The following RCSD1 variants were observed in gnomAD, a reference collection of about 807,000 sequenced individuals.
The protein encoded by RCSD1 is capZ-interacting protein.
A neutral mutation model predicts 42.5 loss-of-function variants in RCSD1; 26 were observed. The ratio of observed to expected loss-of-function variants is 0.61; its 90% CI spans 0.45 to 0.85. RCSD1 has a LOEUF of 0.85. Ranked by LOEUF, RCSD1 falls within the 40% of genes least tolerant of loss-of-function variation. The pLI is 0.00. For synonymous variants in RCSD1, 220 were observed against 212.2 expected (o/e 1.04, Z -0.32); for missense variants, 571 against 528.3 (o/e 1.08, Z -0.79).
chr1:167,652,712 A>AT lies in RCSD1; in HGVS notation c.6+22292dup, dbSNP rs149908841. 7.3e-3 allele frequency among the ~76,000 whole-genome samples: 1,101 copies of AT among 151,196 alleles called. 40 individuals are homozygous for AT. In the East Asian group the frequency reaches 0.083, roughly 11 times the overall value. On this transcript the variant is annotated intron_variant, in intron 1 of 6. Coordinates refer to ENST00000367854, the MANE Select transcript of RCSD1 (RefSeq NM_052862.4). ...CATCGCAGGGCACAAAGCATGGGGG[A>AT]TTTTTTTTTAGCCTTTTTCTTGTTT...
chr1:167,689,757 T>C (rs554765772), intron 3 of RCSD1, among the ~76,000 whole-genome samples: 91 of 152,258 alleles, frequency 6.0e-4, no homozygotes, highest in African/African-American at 2.1e-3. Flanking sequence ...CAGATATAGT[T>C]TTCCTTCATA....
chr1:167,644,663 A>T (rs1658090008), intron 1 of RCSD1, among the ~76,000 whole-genome samples: 2 of 152,088 alleles, frequency 1.3e-5, no homozygotes, highest in African/African-American at 4.8e-5. Flanking sequence ...CTCCCCTTCC[A>T]CTTCCTCCCC....
rs67816313 is a variant in RCSD1, at chr1:167,644,488, A to AATAC, written c.6+14106_6+14109dup. ...GAGTGAAACTCTGTCTCAAAAAATA[A>AATAC]ATACATACATACATACATACATACA... On this transcript the variant is annotated intron_variant, in intron 1 of 6. Coordinates refer to ENST00000367854, the MANE Select transcript of RCSD1 (RefSeq NM_052862.4). 3.5e-3 allele frequency among the ~76,000 whole-genome samples: 270 copies of AATAC among 76,756 alleles called. 1 individual carries two copies. Among genetic ancestry groups the AATAC allele is most frequent in the African/African-American group, 9.5e-3 (171 of 17,978 alleles). The allele number at this position is 76,756 out of a possible 152,430, so 50.4% of individuals were successfully genotyped here. A position where few individuals can be genotyped will look rare whatever the true frequency, so the allele number is the denominator to read the frequency against.
At chr1:167,670,837 G>A (rs1320221566) in intron 1 of RCSD1, among the ~76,000 whole-genome samples, 3 of 151,976 alleles carry the variant, frequency 2.0e-5, no homozygotes, top group African/African-American at 7.3e-5. Flanking sequence ...CCCAATTCTG[G>A]TCAGTCCTTC....
At chr1:167,657,284 A>G (rs1368754394) in intron 1 of RCSD1, among the ~76,000 whole-genome samples, 1 of 152,198 alleles carries the variant, frequency 6.6e-6, no homozygotes, top group Admixed American at 6.5e-5. Flanking sequence ...TCCAAGACCT[A>G]CAGAAAATCA....
At chr1:167,637,217 C>T (rs964035925) in intron 1 of RCSD1, among the ~76,000 whole-genome samples, 2 of 152,066 alleles carry the variant, frequency 1.3e-5, no homozygotes, top group African/African-American at 2.4e-5. Context: ...GCTACTGGTG[C>T]AAGAAACAGC....
chr1:167,671,265 T>C (rs1020863003), intron 1 of RCSD1, among the ~76,000 whole-genome samples: 1 of 152,212 alleles, frequency 6.6e-6, no homozygotes, highest in Non-Finnish European at 1.5e-5. Context: ...TCTACATGTC[T>C]AAAAAGCACC....
rs1659768458 is a variant in RCSD1, at chr1:167,706,937, C to T, written c.*2241C>T. Among the ~76,000 whole-genome samples the T allele has an allele frequency of 6.6e-6, 1 of 152,202 alleles. No homozygotes were observed. The highest frequency in any genetic ancestry group is 2.1e-4 in the South Asian group (1 of 4,836). On this transcript the variant is annotated 3_prime_UTR_variant, in exon 7 of 7. Transcript: ENST00000367854. Reference sequence around the variant, plus strand: ...CAAAGTTATTAACAGGCCAGGAAGACCTTGTTTCTTTCAGGCTTCCATAAT... The same window carrying T: ...CAAAGTTATTAACAGGCCAGGAAGATCTTGTTTCTTTCAGGCTTCCATAAT...
At chr1:167,667,099 G>C (rs982869206) in intron 1 of RCSD1, among the ~76,000 whole-genome samples, 1 of 150,634 alleles carries the variant, frequency 6.6e-6, no homozygotes, top group African/African-American at 2.5e-5. Context: ...GACTCCTTTT[G>C]GTCCCATTGT....
intron 1 of RCSD1, among the ~76,000 whole-genome samples, chr1:167,678,665 C>G (rs1020793109): frequency 1.3e-5 from 2 of 152,156 alleles, no homozygotes; most frequent in Admixed American, 6.5e-5. Flanking sequence ...CCTTGATGCG[C>G]GACTCAGGTC....
chr1:167,701,083 CA>C (rs1659625687), intron 6 of RCSD1, among the ~76,000 whole-genome samples: 1 of 152,132 alleles, frequency 6.6e-6, no homozygotes, highest in Non-Finnish European at 1.5e-5. Context: ...GAGCCTTGGG[CA>C]GGGGAAGAGA....
chr1:167,690,698 G>T (rs934898847), intron 4 of RCSD1, among the ~76,000 whole-genome samples: 1 of 152,022 alleles, frequency 6.6e-6, no homozygotes, highest in Admixed American at 6.6e-5. Context: ...AAAAAAAAGA[G>T]TCTTACGGGA....
intron 1 of RCSD1, among the ~76,000 whole-genome samples, chr1:167,646,214 C>T (rs1399573758): frequency 6.6e-6 from 1 of 152,028 alleles, no homozygotes; most frequent in Admixed American, 6.6e-5. Context: ...TGACAGGACA[C>T]CCTGTTGGAA....
At chr1:167,675,158 A>T (rs1031258643) in intron 1 of RCSD1, among the ~76,000 whole-genome samples, 2 of 142,154 alleles carry the variant, frequency 1.4e-5, no homozygotes, top group African/African-American at 5.5e-5. Flanking sequence ...GTGAGCCGAG[A>T]TCTCACCACT....
chr1:167,700,667 CACA>C (rs1418264453), intron 6 of RCSD1, among the ~76,000 whole-genome samples: 1 of 149,584 alleles, frequency 6.7e-6, no homozygotes, highest in Non-Finnish European at 1.5e-5. Flanking sequence ...AAAAAAAAAG[CACA>C]ACAACAACAA....
intron 3 of RCSD1, among the ~76,000 whole-genome samples, chr1:167,686,765 TCCTTGTAACCTTCAA>T (rs955151879): frequency 1.3e-5 from 2 of 152,218 alleles, no homozygotes; most frequent in African/African-American, 4.8e-5. Context: ...AATCAACTTC[TCCTTGTAACCTTCAA>T]CCTCTGGGCT....
intron 1 of RCSD1, among the ~76,000 whole-genome samples, chr1:167,667,260 C>A (rs549405140): frequency 6.6e-6 from 1 of 152,116 alleles, no homozygotes; most frequent in Non-Finnish European, 1.5e-5. Flanking sequence ...TGCAGAGGAG[C>A]CCTTGGAAGG....
At chr1:167,638,871 C>T (rs967785017) in intron 1 of RCSD1, among the ~76,000 whole-genome samples, 1 of 152,130 alleles carries the variant, frequency 6.6e-6, no homozygotes, top group Non-Finnish European at 1.5e-5. Flanking sequence ...TGAACATAAG[C>T]AATTTACCAA....
Position 167,701,250 on chromosome 1 carries a change from T to C in RCSD1, c.1218+3408T>C, listed in dbSNP as rs1571111372. 2.7e-5 allele frequency among the ~76,000 whole-genome samples: 4 copies of C among 150,080 alleles called. No individual in the cohort carries two copies. The East Asian group carries it at 5.8e-4, about 22-fold the overall frequency. On this transcript the variant is annotated intron_variant, in intron 6 of 6. Transcript: ENST00000367854. ...TTTGACGCCACTTAACCCAATTGCCTAGTTTCTTTCTTTCTTTCTTTCTTT... is the reference window on the plus strand; with the variant it reads ...TTTGACGCCACTTAACCCAATTGCCCAGTTTCTTTCTTTCTTTCTTTCTTT...
Sources: allele counts gnomAD v4.1 joint callset (sites outside exome capture counted in the v4.1 genomes callset), GRCh38; gene constraint gnomAD v4.1.1; transcripts MANE v1.5; gene names NCBI Gene and HGNC (gene_info 2026-07-23, HGNC 2026-07-21).